Variants in ZNF559 observed in about 807,000 individuals in gnomAD.
ZNF559 encodes the protein zinc finger protein 559.
In ZNF559, 17 loss-of-function variants were observed where a neutral mutation model predicts 14.2. The ratio of observed to expected loss-of-function variants is 1.20; its 90% confidence interval spans 0.82 to 1.80. The LOEUF (loss-of-function observed/expected upper bound fraction) is 1.80, where lower values mean the gene tolerates loss of function less well. ZNF559 is among the 40% of genes most tolerant of loss of function. The probability of loss-of-function intolerance (pLI) is 0.00; values close to 1 mark genes in which losing one functional copy is unlikely to be tolerated. For missense variants in ZNF559, 740 were observed against 629.7 expected, an observed-to-expected ratio of 1.18 and a Z score of -1.88; for synonymous variants, 244 against 212.4, an observed-to-expected ratio of 1.15 and a Z score of -1.29.
chr19:9,327,788 C>T lies in ZNF559; in HGVS notation c.-120+3008C>T, dbSNP rs1455625486. ...TTCATTCACTGTATTATAATCAATT[C>T]CTGTCATTCGTATTGATGCTCAAAC... On this transcript the variant is annotated intron_variant, in intron 2 of 6. Coordinates refer to ENST00000603380, the MANE Select transcript of ZNF559 (RefSeq NM_032497.3). Among the ~76,000 whole-genome samples the T allele has an allele frequency of 3.3e-5, 5 of 151,800 alleles. No homozygotes were observed. In the South Asian group the frequency reaches 8.3e-4, roughly 25 times the overall value.
At chr19:9,337,643 T>G (rs1054076396) in intron 2 of ZNF559, 153 bp from the exon 3 acceptor site, 10 of 343,790 alleles carry the variant, frequency 2.9e-5, no homozygotes, top group South Asian at 2.6e-4. Flanking sequence ...TCAACTAATA[T>G]GATAGTAACA....
intron 2 of ZNF559, among the ~76,000 whole-genome samples, chr19:9,325,480 A>G (rs1265278170): frequency 1.3e-5 from 2 of 151,102 alleles, no homozygotes; most frequent in African/African-American, 2.4e-5. Context: ...TCTAGAGAAC[A>G]TCTGTAGCTC....
intron 5 of ZNF559, 30 bp from the exon 6 acceptor site, chr19:9,341,072 G>A (rs769508975): frequency 6.5e-7 from 1 of 1,547,272 alleles, no homozygotes; most frequent in South Asian, 1.2e-5. Flanking sequence ...ATTTCTCTAA[G>A]AACTTAAAAT....
chr19:9,336,541 G>T (rs2067248719), intron 2 of ZNF559, among the ~76,000 whole-genome samples: 1 of 151,666 alleles, frequency 6.6e-6, no homozygotes, highest in Non-Finnish European at 1.5e-5. Flanking sequence ...CTTGCAGTGA[G>T]CCAAGATCGC....
intron 2 of ZNF559, among the ~76,000 whole-genome samples, chr19:9,337,007 C>T (rs2067275247): frequency 6.6e-6 from 1 of 152,158 alleles, no homozygotes; most frequent in Non-Finnish European, 1.5e-5. Flanking sequence ...TGAATGAAGT[C>T]TAGAAGAAAC....
chr19:9,338,231 G>A (rs1487695567), intron 3 of ZNF559, among the ~76,000 whole-genome samples: 1 of 152,172 alleles, frequency 6.6e-6, no homozygotes, highest in Non-Finnish European at 1.5e-5. Flanking sequence ...TTAATCACAT[G>A]ATCAGTTTCT....
intron 2 of ZNF559, among the ~76,000 whole-genome samples, chr19:9,325,818 C>G (rs1440772733): frequency 6.6e-6 from 1 of 151,492 alleles, no homozygotes; most frequent in Admixed American, 6.6e-5. Context: ...TAACCCTTAA[C>G]TACATTCACT....
At chr19:9,333,612 C>T (rs972075606) in intron 2 of ZNF559, among the ~76,000 whole-genome samples, 4 of 151,980 alleles carry the variant, frequency 2.6e-5, no homozygotes, top group African/African-American at 9.7e-5. Context: ...TTGCTTGAGC[C>T]CAGGAGGTCA....
intron 2 of ZNF559, among the ~76,000 whole-genome samples, chr19:9,327,900 C>G (rs1269201905): frequency 3.9e-5 from 6 of 152,154 alleles, no homozygotes; most frequent in African/African-American, 1.2e-4. Flanking sequence ...AAATCAGACC[C>G]CAGTTCACTT....
At position 9,324,464 on chromosome 19, in the gene ZNF559, G is replaced by A. The variant is rs981112603; in HGVS notation, c.-205-231G>A. On this transcript the variant is annotated intron_variant, in intron 1 of 6. Coordinates refer to ENST00000603380, the MANE Select transcript of ZNF559 (RefSeq NM_032497.3). ...GCCTCGGCCCGGGAGGAGGCGGGGG[G>A]CACGGCCTTTCCATTTTCCCTGCTC... The A allele has an allele frequency of 3.5e-6, 5 of 1,424,630 alleles. No homozygotes were observed. In the East Asian group the frequency reaches 7.5e-5, roughly 21 times the overall value. 88.2% of individuals were successfully genotyped at this position (1,424,630 alleles called of 1,614,324 possible).
rs997403925 is a variant in ZNF559 at position 9,324,229 on chromosome 19, G to A, written c.-206+1G>A. The A allele has an allele frequency of 5.2e-6, 8 of 1,536,104 alleles. No individual in the cohort carries two copies. Among genetic ancestry groups the A allele is most frequent in the South Asian group, 2.4e-5 (2 of 84,062 alleles). ...CAGCGCGTTCCCGTTGGCGTCTGAG[G>A]TAAGTTTTTGTTTCTGGGCGGCGTT... On this transcript the variant is annotated splice_donor_variant, in intron 1 of 6. Coordinates refer to ENST00000603380, the MANE Select transcript of ZNF559 (RefSeq NM_032497.3). LOFTEE classifies it low-confidence loss of function (5UTR_SPLICE).
At chr19:9,329,416 C>T (rs564138414) in intron 2 of ZNF559, among the ~76,000 whole-genome samples, 65 of 152,156 alleles carry the variant, frequency 4.3e-4, no homozygotes, top group Admixed American at 3.2e-3. Context: ...GATGAGCTCC[C>T]TAAATATATT....
chr19:9,343,112 C>T lies in ZNF559; in HGVS notation c.*44C>T. 6.4e-7 allele frequency: 1 copy of T among 1,569,180 alleles called. No individual in the cohort carries two copies. The highest frequency in any genetic ancestry group is 8.6e-7 in the Non-Finnish European group (1 of 1,162,320). On this transcript the variant is annotated 3_prime_UTR_variant, in exon 7 of 7. Coordinates refer to ENST00000603380, the MANE Select transcript of ZNF559 (RefSeq NM_032497.3). ...AAAGAATGTGGTAAAGCCACTACTTCCTCACACTTACTGAACATGTACTCA... is the reference window on the plus strand; with the variant it reads ...AAAGAATGTGGTAAAGCCACTACTTTCTCACACTTACTGAACATGTACTCA...
intron 2 of ZNF559, among the ~76,000 whole-genome samples, chr19:9,327,087 T>C (rs185199705): frequency 1.2e-4 from 18 of 152,252 alleles, no homozygotes; most frequent in Non-Finnish European, 2.5e-4. Flanking sequence ...ATACTACAAG[T>C]TTGTTAGTGA....
intron 4 of ZNF559, 32 bp downstream of exon 4, chr19:9,338,614 A>C: frequency 6.7e-7 from 1 of 1,502,528 alleles, no homozygotes; most frequent in East Asian, 2.3e-5. Context: ...CTGTAGAAGC[A>C]TATGCTTCTT....
chr19:9,324,235 T>G lies in ZNF559; in HGVS notation c.-206+7T>G. On this transcript the variant is annotated splice_region_variant and intron_variant, in intron 1 of 6. Coordinates refer to ENST00000603380, the MANE Select transcript of ZNF559 (RefSeq NM_032497.3). ...GTTCCCGTTGGCGTCTGAGGTAAGT[T>G]TTTGTTTCTGGGCGGCGTTCGGTGG... The G allele has an allele frequency of 6.5e-7, 1 of 1,536,076 alleles. No individual in the cohort carries two copies. The highest frequency in any genetic ancestry group is 1.2e-5 in the South Asian group (1 of 84,058).
intron 2 of ZNF559, among the ~76,000 whole-genome samples, chr19:9,335,722 A>T (rs950512157): frequency 1.3e-5 from 2 of 152,102 alleles, no homozygotes; most frequent in African/African-American, 4.8e-5. Context: ...TTTTGTAGAG[A>T]CGGGGTTTTA....
In ZNF559 at chr19:9,333,278, A is replaced by G. The variant is rs141134414; in HGVS notation, c.-119-4518A>G. 6.6e-5 allele frequency among the ~76,000 whole-genome samples: 10 copies of G among 152,334 alleles called. 1 individual carries two copies. The East Asian group carries it at 9.6e-4, about 15-fold the overall frequency. ...CCCAGCCAGAAAATTTTAAAAATAG[A>G]TATTTGTAGAGTTATGCATCCAGGA... On this transcript the variant is annotated intron_variant, in intron 2 of 6. Coordinates refer to ENST00000603380, the MANE Select transcript of ZNF559 (RefSeq NM_032497.3).
At chr19:9,333,843 T>A (rs2067075986) in intron 2 of ZNF559, among the ~76,000 whole-genome samples, 1 of 152,210 alleles carries the variant, frequency 6.6e-6, no homozygotes, top group Non-Finnish European at 1.5e-5. Context: ...ATTAAGAGGC[T>A]TGAGCAGGCT....
Sources: allele counts gnomAD v4.1 joint callset (sites outside exome capture counted in the v4.1 genomes callset), GRCh38; gene constraint gnomAD v4.1.1; transcripts MANE v1.5; gene names NCBI Gene and HGNC (gene_info 2026-07-23, HGNC 2026-07-21).